NCKAP5: variants seen among roughly 807,000 people sequenced by gnomAD.
The protein encoded by NCKAP5 is NCK associated protein 5.
In NCKAP5, 92 loss-of-function variants were observed where a neutral mutation model predicts 167.0. The observed-to-expected ratio is 0.55, with a 90% CI of 0.47 to 0.66. NCKAP5 has a LOEUF of 0.66. Among genes scored for constraint, NCKAP5 ranks in the 30% least tolerant of loss-of-function variants. NCKAP5 has a pLI of 0.00. For synonymous variants in NCKAP5, 891 were observed against 877.4 expected (o/e 1.02, Z -0.27); for missense variants, 2,378 against 2,315.0 (o/e 1.03, Z -0.56).
chr2:132,784,569 C>T lies in NCKAP5; in HGVS notation c.2242G>A (p.Val748Ile), dbSNP rs772531346. 2 of 1,584,534 alleles carry T rather than the reference C, an allele frequency of 1.3e-6. No homozygotes were observed. The highest frequency in any genetic ancestry group is 1.4e-5 in the African/African-American group (1 of 73,962). Residue 748 changes from valine (V) to isoleucine (I), a missense_variant, in exon 14 of 20, where the codon GTA (valine) becomes ATA (isoleucine). Physicochemically the swap from Val to Ile is conservative, Grantham distance 29. Around this residue, in one of 3 missense-constraint regions of NCKAP5, gnomAD observed 1,049 missense variants for 1,023.4 expected, o/e 1.02. Transcript: ENST00000409261. ...GTGGACACCCTGGGAACATTATCTA[C>T]ATTATCTTTTGGAATGTTTTTCTCA... The part of the protein sequence containing the change: ...DTEKNIPKDN[V>I]DNVPRVSTES...
chr2:133,279,622 A>G (rs188482538), intron 4 of NCKAP5, among the ~76,000 whole-genome samples: 5 of 152,352 alleles, frequency 3.3e-5, no homozygotes, highest in Admixed American at 6.5e-5. Context: ...TTAAACCTCT[A>G]TGACAATGGC....
chr2:132,800,894 C>T (rs1684977345), intron 11 of NCKAP5, among the ~76,000 whole-genome samples: 1 of 152,154 alleles, frequency 6.6e-6, no homozygotes, highest in East Asian at 1.9e-4. Context: ...TCTACATTGT[C>T]CCAGTGGCAG....
At chr2:133,134,464 T>A (rs1446742174) in intron 5 of NCKAP5, among the ~76,000 whole-genome samples, 2 of 152,198 alleles carry the variant, frequency 1.3e-5, no homozygotes, top group African/African-American at 2.4e-5. Flanking sequence ...CACTGTGTGG[T>A]TTTACAGAGT....
intron 3 of NCKAP5, among the ~76,000 whole-genome samples, chr2:133,443,364 G>A (rs1690977243): frequency 6.6e-6 from 1 of 152,148 alleles, no homozygotes; most frequent in Non-Finnish European, 1.5e-5. Flanking sequence ...AAACAACTGT[G>A]CTCCTCCAGT....
chr2:133,164,185 C>T (rs2083910914), intron 5 of NCKAP5, among the ~76,000 whole-genome samples: 2 of 152,276 alleles, frequency 1.3e-5, no homozygotes, highest in East Asian at 1.9e-4. Context: ...TAAATTGATG[C>T]CTTCAACAAT....
At chr2:132,785,859 T>G (rs1683523926) in intron 13 of NCKAP5, 141 bp from the exon 14 acceptor site, 1 of 591,372 alleles carries the variant, frequency 1.7e-6, no homozygotes, top group Non-Finnish European at 2.6e-6. Flanking sequence ...ATTAGCTAAT[T>G]AATTTATTCA....
chr2:133,319,098 C>A (rs1448025909), intron 3 of NCKAP5, among the ~76,000 whole-genome samples: 1 of 152,036 alleles, frequency 6.6e-6, no homozygotes, highest in Non-Finnish European at 1.5e-5. Flanking sequence ...CTTCAATAGT[C>A]AAATTAACCC....
intron 3 of NCKAP5, among the ~76,000 whole-genome samples, chr2:133,349,068 C>T (rs1385558377): frequency 6.6e-6 from 1 of 152,184 alleles, no homozygotes; most frequent in Non-Finnish European, 1.5e-5. Flanking sequence ...TCTTACACTC[C>T]TTAACAATCT....
chr2:133,505,205 T>C (rs1352108897), intron 3 of NCKAP5, among the ~76,000 whole-genome samples: 1 of 152,106 alleles, frequency 6.6e-6, no homozygotes, highest in Non-Finnish European at 1.5e-5. Context: ...AAAAATAGAA[T>C]GCTCCATATA....
At chr2:133,335,794 G>A (rs887966441) in intron 3 of NCKAP5, among the ~76,000 whole-genome samples, 1 of 152,130 alleles carries the variant, frequency 6.6e-6, no homozygotes, top group Admixed American at 6.6e-5. Context: ...GCTAAGTGAA[G>A]TAATTAGAAC....
intron 5 of NCKAP5, among the ~76,000 whole-genome samples, chr2:133,190,392 A>G (rs2085159045): frequency 6.6e-6 from 1 of 152,224 alleles, no homozygotes; most frequent in South Asian, 2.1e-4. Context: ...TCAAGCTACC[A>G]ATAACTTTCT....
Position 133,224,123 on chromosome 2 carries a change from T to C in NCKAP5, c.144-10344A>G, listed in dbSNP as rs538503521. ...TATATATGTATTCTCAAAATTGTTC[T>C]TCTGCTCTCAAGAACGGTGCCTCGA... On this transcript the variant is annotated intron_variant, in intron 4 of 19. Coordinates refer to ENST00000409261, the MANE Select transcript of NCKAP5 (RefSeq NM_207363.3). 5.3e-5 allele frequency among the ~76,000 whole-genome samples: 8 copies of C among 152,326 alleles called. No homozygotes were observed. The South Asian group carries it at 1.7e-3, about 32-fold the overall frequency.
At chr2:133,224,550 A>C (rs2086800016) in intron 4 of NCKAP5, among the ~76,000 whole-genome samples, 1 of 152,184 alleles carries the variant, frequency 6.6e-6, no homozygotes, top group Non-Finnish European at 1.5e-5. Context: ...ATATCCAGTG[A>C]AGAAGTGCAT....
chr2:132,820,248 G>A (rs1185855809), intron 11 of NCKAP5, among the ~76,000 whole-genome samples: 1 of 149,280 alleles, frequency 6.7e-6, no homozygotes, highest in Non-Finnish European at 1.5e-5. Context: ...TTTTTTTTAA[G>A]AGACAGAGTC....
chr2:133,392,140 G>A (rs1687453775), intron 3 of NCKAP5, among the ~76,000 whole-genome samples: 1 of 152,122 alleles, frequency 6.6e-6, no homozygotes, highest in Non-Finnish European at 1.5e-5. Context: ...ATGGACACTT[G>A]GATCAATGAC....
At chr2:133,200,462 A>C (rs1052331516) in intron 5 of NCKAP5, among the ~76,000 whole-genome samples, 1 of 152,102 alleles carries the variant, frequency 6.6e-6, no homozygotes, top group Non-Finnish European at 1.5e-5. Context: ...AAGCCACACA[A>C]AAAAAATAAT....
chr2:133,303,725 T>C (rs1680572815), intron 3 of NCKAP5, among the ~76,000 whole-genome samples: 2 of 151,790 alleles, frequency 1.3e-5, no homozygotes, highest in African/African-American at 4.9e-5. Context: ...GAAATGTATA[T>C]GTAAATTTAT....
At position 133,230,626 on chromosome 2, in the gene NCKAP5, T is replaced by C. The variant is rs138009617; in HGVS notation, c.144-16847A>G. ...TCCAGTAATAACACATTTATTTACA[T>C]ATAATTCAGGGCTTTACTCTTGCTG... On this transcript the variant is annotated intron_variant, in intron 4 of 19. Transcript: ENST00000409261. Among the ~76,000 whole-genome samples, 191 of 152,328 alleles carry C rather than the reference T, an allele frequency of 1.3e-3. 3 individuals are homozygous for C. The highest frequency in any genetic ancestry group is 4.5e-3 in the African/African-American group (187 of 41,584).
At chr2:132,829,335 G>C (rs886809772) in intron 11 of NCKAP5, among the ~76,000 whole-genome samples, 2 of 152,090 alleles carry the variant, frequency 1.3e-5, no homozygotes, top group Admixed American at 6.5e-5. Flanking sequence ...AATGCTGGGG[G>C]AAATGAATGA....
Sources: gnomAD v4.1 joint callset for allele counts (sites outside exome capture counted in the v4.1 genomes callset) on GRCh38, gnomAD v4.1.1 for gene constraint, gnomAD v4.1.1 regional missense constraint, MANE v1.5 for transcripts, NCBI Gene and HGNC (gene_info 2026-07-23, HGNC 2026-07-21) for gene names.